Variants in TCHP observed in about 807,000 individuals in gnomAD.
TCHP encodes the protein trichoplein keratin filament-binding protein.
Under a neutral mutation model 88.7 loss-of-function variants are expected in TCHP, and 81 were observed. The ratio of observed to expected loss-of-function variants is 0.91; its 90% CI spans 0.76 to 1.10. TCHP has a LOEUF of 1.10. Ranked by LOEUF, TCHP falls within the 50% of genes least tolerant of loss-of-function variation. TCHP has a pLI of 0.00. For missense variants in TCHP, 641 were observed against 632.1 expected (o/e 1.01, Z -0.15); for synonymous variants, 232 against 232.5 (o/e 1.00, Z 0.02).
chr12:109,899,101 A>G (rs772906783), upstream of TCHP, among the ~76,000 whole-genome samples: 5 of 152,194 alleles, frequency 3.3e-5, no homozygotes, highest in Non-Finnish European at 7.4e-5. Context: ...TTACAGGCGT[A>G]AGCCACTGAA....
At chr12:109,893,706 G>A in the TCHP span, among the ~76,000 whole-genome samples, 1 of 152,176 alleles carries the variant, frequency 6.6e-6, no homozygotes, top group South Asian at 2.1e-4. Context: ...TGAGCATTGA[G>A]TTCAGGTGTG....
At chr12:109,910,178 G>T (rs1300868957) in intron 8 of TCHP, among the ~76,000 whole-genome samples, 1 of 152,204 alleles carries the variant, frequency 6.6e-6, no homozygotes, top group African/African-American at 2.4e-5. Flanking sequence ...GATTGAACCT[G>T]TTCTTTTCAG....
chr12:109,890,946 C>A, the TCHP span, among the ~76,000 whole-genome samples: 1 of 152,246 alleles, frequency 6.6e-6, no homozygotes, highest in African/African-American at 2.4e-5. Context: ...GGCAATGAAT[C>A]ATGTATGAAT....
upstream of TCHP, among the ~76,000 whole-genome samples, chr12:109,898,313 G>A (rs556608823): frequency 6.6e-6 from 1 of 152,158 alleles, no homozygotes; most frequent in Non-Finnish European, 1.5e-5. Flanking sequence ...CGGTTGAGGC[G>A]ATTCTCCTGC....
chr12:109,883,641 C>T, the TCHP span, among the ~76,000 whole-genome samples: 61 of 152,194 alleles, frequency 4.0e-4, 2 homozygotes, highest in Admixed American at 3.3e-3. Context: ...ACCTGTCAGA[C>T]GCCTCTATCA....
chr12:109,914,733 TTTG>T (rs1169434084), intron 11 of TCHP, 106 bp downstream of exon 11: 2 of 916,440 alleles, frequency 2.2e-6, no homozygotes, highest in African/African-American at 3.3e-5. Context: ...CTTGCGCACG[TTTG>T]AGAGCACGGT....
Position 109,908,575 on chromosome 12 carries a change from C to T in TCHP, c.700-11C>T. On this transcript the variant is annotated splice_polypyrimidine_tract_variant and intron_variant, in intron 6 of 12. Coordinates refer to ENST00000405876, the MANE Select transcript of TCHP (RefSeq NM_001143852.2). Reference sequence around the variant, plus strand: ...AGATCTCAGTCGAGCTTACTCTCATCATCACCACAGGCGACCAAACTAAAG... The same window carrying T: ...AGATCTCAGTCGAGCTTACTCTCATTATCACCACAGGCGACCAAACTAAAG... 1.3e-6 allele frequency: 2 copies of T among 1,587,866 alleles called. No homozygotes were observed. The highest frequency in any genetic ancestry group is 2.3e-5 in the South Asian group (2 of 86,708).
chr12:109,911,171 C>T lies in TCHP; in HGVS notation c.988C>T (p.Gln330Ter). 1 of 1,593,884 alleles carries T rather than the reference C, an allele frequency of 6.3e-7. No individual in the cohort carries two copies. The highest frequency in any genetic ancestry group is 2.3e-5 in the East Asian group (1 of 44,098). The change falls in exon 9 of 13, where the codon CAG becomes TAG. Residue 330 changes from glutamine (Q) to a stop codon, truncating the protein, a stop_gained. Transcript: ENST00000405876. LOFTEE classifies it high-confidence loss of function. ...QVMADVAWMK[Q>*]AIEEQLQLER... ...CATGGCCGATGTGGCCTGGATGAAG[C>T]AGGCCATTGAGGAGCAGCTGCAGCT...
chr12:109,915,167 G>A lies in TCHP; in HGVS notation c.1321-236G>A, dbSNP rs1160534539. On this transcript the variant is annotated intron_variant, in intron 11 of 12. Transcript: ENST00000405876. ...ACACGCCACGCATACAGCCTCTCCA[G>A]CTTTCCACGAGGTAAGCGCCACGCA... 5.0e-6 allele frequency: 3 copies of A among 600,182 alleles called. No homozygotes were observed. In the African/African-American group the frequency reaches 5.6e-5, roughly 11 times the overall value. 37.2% of individuals were successfully genotyped at this position (600,182 alleles called of 1,614,324 possible).
At chr12:109,889,300 C>T in the TCHP span, among the ~76,000 whole-genome samples, 6 of 152,140 alleles carry the variant, frequency 3.9e-5, no homozygotes, top group East Asian at 1.2e-3. Flanking sequence ...GGTGAAACCC[C>T]GTCTCTACTA....
chr12:109,887,078 T>G, the TCHP span, among the ~76,000 whole-genome samples: 3 of 152,198 alleles, frequency 2.0e-5, no homozygotes, highest in Non-Finnish European at 4.4e-5. Flanking sequence ...ACATACACAT[T>G]CATGTCTATG....
At chr12:109,899,541 G>A (rs1215309659), upstream of TCHP, among the ~76,000 whole-genome samples, 1 of 152,130 alleles carries the variant, frequency 6.6e-6, no homozygotes, top group Admixed American at 6.5e-5. Flanking sequence ...GGTAGGCTGA[G>A]GCAGGGTAAT....
the TCHP span, among the ~76,000 whole-genome samples, chr12:109,883,990 G>A: frequency 2.0e-5 from 3 of 152,112 alleles, no homozygotes; most frequent in Non-Finnish European, 2.9e-5. Flanking sequence ...ACAATGAGGA[G>A]TGGTGGAGAC....
chr12:109,910,927 ATC>A (rs1870445709), intron 8 of TCHP, 134 bp from the exon 9 acceptor site: 1 of 1,300,756 alleles, frequency 7.7e-7, no homozygotes, highest in South Asian at 1.9e-5. Context: ...GGATCTTCCC[ATC>A]TCTGTCTTGA....
intron 1 of TCHP, among the ~76,000 whole-genome samples, chr12:109,902,109 GTGTC>G (rs1869831937): frequency 1.3e-5 from 2 of 152,190 alleles, no homozygotes; most frequent in South Asian, 2.1e-4. Flanking sequence ...GACAATCCCT[GTGTC>G]TGTCTGTTGT....
intron 3 of TCHP, 45 bp downstream of exon 3, chr12:109,904,192 C>T: frequency 6.5e-7 from 1 of 1,527,066 alleles, no homozygotes; most frequent in Non-Finnish European, 8.9e-7. Flanking sequence ...CAGGAGTGTT[C>T]CCAGCCTGAG....
At position 109,903,299 on chromosome 12, in the gene TCHP, A is replaced by G. The variant is rs1792113021; in HGVS notation, c.188+85A>G. 7.7e-7 allele frequency: 1 copy of G among 1,302,968 alleles called. No individual in the cohort carries two copies. The highest frequency in any genetic ancestry group is 1.5e-5 in the African/African-American group (1 of 68,592). The allele number at this position is 1,302,968 out of a possible 1,614,324, so 80.7% of individuals were successfully genotyped here. A position where few individuals can be genotyped will look rare whatever the true frequency, so the allele number is the denominator to read the frequency against. On this transcript the variant is annotated intron_variant, in intron 2 of 12. Coordinates refer to ENST00000405876, the MANE Select transcript of TCHP (RefSeq NM_001143852.2). The surrounding 1 kb of genome is among the most constrained non-coding windows in gnomAD (Gnocchi z 4.6). ...GAGGCCTTAAGGATTTAGGGAGCGT[A>G]GGATTTGCCAGGCAGTATGAATTAC...
intron 1 of TCHP, 199 bp downstream of exon 1, chr12:109,900,625 G>A (rs1489983777): frequency 2.0e-5 from 3 of 152,266 alleles, no homozygotes; most frequent in Admixed American, 1.3e-4. Context: ...CGACGTGTTC[G>A]GGGAGCAGCC....
Position 109,908,984 on chromosome 12 carries a change from A to G in TCHP, c.879+47A>G, listed in dbSNP as rs745347817. The stretch of plus-strand genomic sequence containing the variant: ...GACATCTTTCTTAGCCTCTTTTGTA[A>G]AAAAGGCCTTCCATTGCTTAGTATA... On this transcript the variant is annotated intron_variant, in intron 8 of 12. Coordinates refer to ENST00000405876, the MANE Select transcript of TCHP (RefSeq NM_001143852.2). 6.9e-6 allele frequency: 11 copies of G among 1,584,052 alleles called. No homozygotes were observed. The Admixed American group carries it at 1.7e-4, about 24-fold the overall frequency.
Sources: allele counts gnomAD v4.1 joint callset (sites outside exome capture counted in the v4.1 genomes callset), GRCh38; gene constraint gnomAD v4.1.1; non-coding constraint Gnocchi (gnomAD v3.1); transcripts MANE v1.5; gene names NCBI Gene and HGNC (gene_info 2026-07-23, HGNC 2026-07-21).